Variants in LLGL2 observed in about 807,000 individuals in gnomAD.
LLGL2 encodes LLGL2, scribble cell polarity complex component.
A neutral mutation model predicts 123.2 loss-of-function variants in LLGL2; 81 were observed. The observed-to-expected ratio is 0.66, with a 90% CI of 0.55 to 0.79. The LOEUF (loss-of-function observed/expected upper bound fraction) is 0.79. Among genes scored for constraint, LLGL2 ranks in the 30% least tolerant of loss-of-function variants. LLGL2 has a pLI of 0.00. For synonymous variants in LLGL2, 577 were observed against 594.1 expected (o/e 0.97, Z 0.42); for missense variants, 1,273 against 1,414.6 (o/e 0.90, Z 1.61).
rs1175190451 is a variant in LLGL2, at chr17:75,559,537, G to A, written c.530+127G>A. 8.3e-7 allele frequency: 1 copy of A among 1,210,728 alleles called. No homozygotes were observed. The highest frequency in any genetic ancestry group is 1.1e-6 in the Non-Finnish European group (1 of 887,662). The allele number at this position is 1,210,728 out of a possible 1,614,324, so 75.0% of individuals were successfully genotyped here. A position where few individuals can be genotyped will look rare whatever the true frequency, so the allele number is the denominator to read the frequency against. On this transcript the variant is annotated intron_variant, in intron 6 of 25. Transcript: ENST00000392550. The surrounding 1 kb of genome is among the most constrained non-coding windows in gnomAD (Gnocchi z 4.6). The stretch of plus-strand genomic sequence containing the variant: ...GGGAATTCCATGGGGCTATAGCAGG[G>A]GAGGCTCTTGGCTTCCTACCTGTCA...
chr17:75,573,759 C>G, intron 21 of LLGL2, 128 bp downstream of exon 21: 1 of 1,244,092 alleles, frequency 8.0e-7, no homozygotes, highest in Non-Finnish European at 1.1e-6. Flanking sequence ...CTCCCAGGCT[C>G]CGGCTCTCCT....
At chr17:75,561,883 C>T (rs1054675360) in intron 6 of LLGL2, among the ~76,000 whole-genome samples, 3 of 151,646 alleles carry the variant, frequency 2.0e-5, no homozygotes, top group African/African-American at 7.3e-5. Flanking sequence ...GGTCACACCA[C>T]TGCACTCCAG....
intron 6 of LLGL2, chr17:75,562,310 C>T (rs780355613): frequency 1.3e-5 from 2 of 152,436 alleles, no homozygotes; most frequent in Non-Finnish European, 2.9e-5. Context: ...TATGAATGTA[C>T]AGTTTAACAG....
intron 21 of LLGL2, 89 bp downstream of exon 21, chr17:75,573,720 G>A: frequency 7.2e-7 from 1 of 1,387,564 alleles, no homozygotes. Flanking sequence ...TGCCTGGCTG[G>A]AGGCACCTCC....
chr17:75,546,855 C>T (rs895580289), intron 2 of LLGL2, among the ~76,000 whole-genome samples: 1 of 149,298 alleles, frequency 6.7e-6, no homozygotes, highest in Non-Finnish European at 1.5e-5. Flanking sequence ...AGCAGACAGG[C>T]GGAGGGCAGG....
intron 2 of LLGL2, among the ~76,000 whole-genome samples, chr17:75,550,668 C>G (rs1481771529): frequency 2.7e-5 from 4 of 150,942 alleles, no homozygotes; most frequent in Non-Finnish European, 5.9e-5. Flanking sequence ...GCCTGTAGTT[C>G]TAGCTACTCG....
rs1415746421 is a variant in LLGL2 at position 75,533,191 on chromosome 17, A to G, written c.-31+7366A>G. On this transcript the variant is annotated intron_variant, in intron 1 of 25. Transcript: ENST00000392550. ...ATTGTTTGTATTTTTAGTAGAGACA[A>G]GGTTTCACCGTGTTAGCCAGGATGG... 8.3e-5 allele frequency among the ~76,000 whole-genome samples: 12 copies of G among 145,444 alleles called. No homozygotes were observed. The East Asian group carries it at 1.0e-3, about 13-fold the overall frequency.
In LLGL2 at chr17:75,563,363, C is replaced by T; in HGVS notation, c.726C>T (p.Gly242=). The change falls in exon 8 of 26, where the codon GGC becomes GGT. Residue 242 remains glycine (G), a synonymous_variant. Transcript: ENST00000392550. ...AGAACATCTGGTGGCAGCGGGACGG[C>T]CGCCTGCTCGTCAGCTGTCACTCTG... is the stretch of plus-strand genomic sequence containing the variant. The part of the protein sequence containing the change: ...QLENIWWQRD[G]RLLVSCHSDG... 1 of 1,612,788 alleles carries T rather than the reference C, an allele frequency of 6.2e-7. No individual in the cohort carries two copies. The highest frequency in any genetic ancestry group is 8.5e-7 in the Non-Finnish European group (1 of 1,179,982).
At chr17:75,572,964 C>A (rs2055793303) in intron 19 of LLGL2, 50 bp from the exon 20 acceptor site, 1 of 1,557,586 alleles carries the variant, frequency 6.4e-7, no homozygotes, top group Non-Finnish European at 8.7e-7. Context: ...CAGCACAGGG[C>A]AGGAGAACTG....
At chr17:75,555,125 C>T (rs569818802) in intron 2 of LLGL2, among the ~76,000 whole-genome samples, 180 of 140,928 alleles carry the variant, frequency 1.3e-3, no homozygotes, top group African/African-American at 4.6e-3. Flanking sequence ...TGCAGTGAGC[C>T]GAGATCGCAC....
At chr17:75,532,844 A>G (rs1489066983) in intron 1 of LLGL2, among the ~76,000 whole-genome samples, 1 of 152,254 alleles carries the variant, frequency 6.6e-6, no homozygotes, top group Non-Finnish European at 1.5e-5. Context: ...TGACGTCCAC[A>G]GGGCCCTGGC....
At chr17:75,567,066 C>G (rs2055473500) in intron 10 of LLGL2, among the ~76,000 whole-genome samples, 2 of 152,150 alleles carry the variant, frequency 1.3e-5, no homozygotes, top group Non-Finnish European at 2.9e-5. Context: ...GCCCGGGCAC[C>G]CTCAAGCCTT....
At chr17:75,538,723 G>A (rs1211890856) in intron 1 of LLGL2, 1 of 152,086 alleles carries the variant, frequency 6.6e-6, no homozygotes, top group African/African-American at 2.4e-5. Context: ...GAGGGAGAGA[G>A]AACATCCCAG....
In LLGL2 at chr17:75,547,439, C is replaced by T. The variant is rs147218924; in HGVS notation, c.75+3938C>T. Among the ~76,000 whole-genome samples the T allele has an allele frequency of 2.6e-5, 4 of 152,320 alleles. No homozygotes were observed. The East Asian group carries it at 7.7e-4, about 29-fold the overall frequency. ...GGACGCATTACTTAGCCTCTCTGTT[C>T]TTTAGTTTCCTCATCTGTAAAATGG... On this transcript the variant is annotated intron_variant, in intron 2 of 25. Transcript: ENST00000392550.
At chr17:75,533,591 AC>A (rs2053894760) in intron 1 of LLGL2, 3 of 152,276 alleles carry the variant, frequency 2.0e-5, no homozygotes, top group Non-Finnish European at 2.9e-5. Context: ...GGCATGAGCC[AC>A]CGCGCCCAGC....
In LLGL2 at chr17:75,549,811, G is replaced by A. The variant is rs1479198935; in HGVS notation, c.76-6235G>A. Among the ~76,000 whole-genome samples the A allele has an allele frequency of 6.6e-6, 1 of 152,164 alleles. No homozygotes were observed. The highest frequency in any genetic ancestry group is 1.5e-5 in the Non-Finnish European group (1 of 68,024). On this transcript the variant is annotated intron_variant, in intron 2 of 25. Coordinates refer to ENST00000392550, the MANE Select transcript of LLGL2 (RefSeq NM_001031803.2). This position sits in a 1 kb window ranked among gnomAD's most constrained non-coding sequence, Gnocchi z 4.0. ...CTCCCTGGCTGCAGGCAGGATGAAGGCCCCACTGTCTCTGACAGCCAGCCT... is the reference window on the plus strand; with the variant it reads ...CTCCCTGGCTGCAGGCAGGATGAAGACCCCACTGTCTCTGACAGCCAGCCT...
At chr17:75,526,314 T>TCC (rs1329147146) in intron 1 of LLGL2, among the ~76,000 whole-genome samples, 1 of 152,046 alleles carries the variant, frequency 6.6e-6, no homozygotes, top group African/African-American at 2.4e-5. Flanking sequence ...TGCCTCCTAA[T>TCC]CCCCGGACGC....
intron 1 of LLGL2, among the ~76,000 whole-genome samples, chr17:75,542,084 C>A (rs904386445): frequency 3.9e-5 from 6 of 151,914 alleles, no homozygotes; most frequent in Admixed American, 2.0e-4. Context: ...GTTCCTCTGC[C>A]CGAAGACACC....
Position 75,558,349 on chromosome 17 carries a change from G to T in LLGL2, c.255+113G>T. On this transcript the variant is annotated intron_variant, in intron 4 of 25. Coordinates refer to ENST00000392550, the MANE Select transcript of LLGL2 (RefSeq NM_001031803.2). This position sits in a 1 kb window ranked among gnomAD's most constrained non-coding sequence, Gnocchi z 4.0. ...ATTCGGTGGCCCTGGGTTTGCTGCT[G>T]ATGGAAAGACCTGGGACCCCCTCCC... The T allele has an allele frequency of 8.1e-7, 1 of 1,229,858 alleles. No individual in the cohort carries two copies. The highest frequency in any genetic ancestry group is 1.1e-6 in the Non-Finnish European group (1 of 875,398). 76.2% of individuals were successfully genotyped at this position (1,229,858 alleles called of 1,614,324 possible).
Sources: allele counts gnomAD v4.1 joint callset (sites outside exome capture counted in the v4.1 genomes callset), GRCh38; gene constraint gnomAD v4.1.1; non-coding constraint Gnocchi (gnomAD v3.1); transcripts MANE v1.5; gene names NCBI Gene and HGNC (gene_info 2026-07-23, HGNC 2026-07-21).